The following EXOC4 variants were observed in gnomAD, a reference collection of about 807,000 sequenced individuals.
The protein encoded by EXOC4 is exocyst complex component 4.
In EXOC4, 71 loss-of-function variants were observed where a neutral mutation model predicts 107.2. That is an observed-to-expected ratio of 0.66 (90% CI 0.55 to 0.81). The LOEUF (loss-of-function observed/expected upper bound fraction) is 0.81, where lower values mean the gene tolerates loss of function less well. EXOC4 is among the 30% of genes least tolerant of loss of function. EXOC4 has a pLI of 0.00. For missense variants in EXOC4, 1,108 were observed against 1,189.6 expected, an observed-to-expected ratio of 0.93 and a Z score of 1.01; for synonymous variants, 456 against 441.2, an observed-to-expected ratio of 1.03 and a Z score of -0.42.
At chr7:133,387,212 G>A (rs369701682) in intron 7 of EXOC4, among the ~76,000 whole-genome samples, 8 of 152,144 alleles carry the variant, frequency 5.3e-5, no homozygotes, top group African/African-American at 1.9e-4. Context: ...ATCCATTAAA[G>A]TCTTAAGGGG....
chr7:133,548,578 G>A (rs937959493), intron 9 of EXOC4, among the ~76,000 whole-genome samples: 2 of 152,202 alleles, frequency 1.3e-5, no homozygotes, highest in Non-Finnish European at 2.9e-5. Flanking sequence ...ATAACTTGCT[G>A]TAGCTTCTAC....
At chr7:133,601,344 T>C (rs552643633) in intron 9 of EXOC4, among the ~76,000 whole-genome samples, 1 of 152,284 alleles carries the variant, frequency 6.6e-6, no homozygotes, top group African/African-American at 2.4e-5. Context: ...TGTATGTATG[T>C]ATGTATGTGT....
intron 9 of EXOC4, among the ~76,000 whole-genome samples, chr7:133,620,006 G>T (rs143461625): frequency 7.3e-4 from 91 of 124,666 alleles, no homozygotes; most frequent in African/African-American, 1.8e-3. Context: ...GTGTGTGTGT[G>T]TGTTTGTTTT....
chr7:133,554,701 C>G (rs1225640135), intron 9 of EXOC4, among the ~76,000 whole-genome samples: 1 of 152,126 alleles, frequency 6.6e-6, no homozygotes, highest in African/African-American at 2.4e-5. Context: ...CCATGGAGCC[C>G]CACCTGACCT....
At chr7:133,627,862 G>T (rs1420266711) in intron 9 of EXOC4, among the ~76,000 whole-genome samples, 2 of 152,144 alleles carry the variant, frequency 1.3e-5, no homozygotes, top group Non-Finnish European at 2.9e-5. Flanking sequence ...GAAAACGTAT[G>T]CTCTGATTAG....
At chr7:133,408,848 G>A (rs934596546) in intron 7 of EXOC4, among the ~76,000 whole-genome samples, 3 of 152,102 alleles carry the variant, frequency 2.0e-5, no homozygotes, top group African/African-American at 7.2e-5. Flanking sequence ...CTGGTACTGT[G>A]GGACTAGTAT....
intron 10 of EXOC4, among the ~76,000 whole-genome samples, chr7:133,806,338 T>C (rs774977240): frequency 2.0e-5 from 3 of 152,156 alleles, no homozygotes; most frequent in Non-Finnish European, 4.4e-5. Context: ...ATTGAAATGA[T>C]AATGGGAGTG....
At chr7:133,340,062 G>A (rs1167766262) in intron 5 of EXOC4, among the ~76,000 whole-genome samples, 1 of 152,168 alleles carries the variant, frequency 6.6e-6, no homozygotes, top group Non-Finnish European at 1.5e-5. Context: ...CAGAAGACGT[G>A]AAACTGGATA....
chr7:133,553,396 T>G (rs1311373839), intron 9 of EXOC4, among the ~76,000 whole-genome samples: 1 of 152,184 alleles, frequency 6.6e-6, no homozygotes, highest in Non-Finnish European at 1.5e-5. Context: ...TATGTTACTT[T>G]CCTTTTCAAG....
chr7:133,576,402 C>T (rs956240663), intron 9 of EXOC4: 26 of 1,037,254 alleles, frequency 2.5e-5, no homozygotes, highest in Non-Finnish European at 2.7e-5. Context: ...CTGTTGTCTC[C>T]GTCACAGTCA....
chr7:134,077,912 A>C, the EXOC4 span, among the ~76,000 whole-genome samples: 4 of 152,154 alleles, frequency 2.6e-5, no homozygotes, highest in African/African-American at 9.7e-5. Context: ...GAATCTATAA[A>C]CTCATTCCAT....
At chr7:133,403,687 T>G (rs1056710642) in intron 7 of EXOC4, among the ~76,000 whole-genome samples, 1 of 152,148 alleles carries the variant, frequency 6.6e-6, no homozygotes, top group African/African-American at 2.4e-5. Context: ...CCCAGCACTT[T>G]GGGAGGCCAA....
chr7:133,501,017 A>G (rs568611366), intron 9 of EXOC4, among the ~76,000 whole-genome samples: 2 of 152,190 alleles, frequency 1.3e-5, no homozygotes, highest in Non-Finnish European at 2.9e-5. Flanking sequence ...GAGAAAATAC[A>G]TGTAACTATT....
At chr7:133,519,295 G>T (rs1799938538) in intron 9 of EXOC4, among the ~76,000 whole-genome samples, 1 of 151,866 alleles carries the variant, frequency 6.6e-6, no homozygotes, top group Admixed American at 6.6e-5. Flanking sequence ...TACACCTGAA[G>T]TTCCTACTCA....
chr7:133,272,283 AC>A (rs1793890469), intron 1 of EXOC4, among the ~76,000 whole-genome samples: 1 of 151,938 alleles, frequency 6.6e-6, no homozygotes, highest in Non-Finnish European at 1.5e-5. Flanking sequence ...AAGAGACCCC[AC>A]TCTGTAGCTG....
At chr7:133,561,138 T>C (rs1800796899) in intron 9 of EXOC4, among the ~76,000 whole-genome samples, 1 of 152,110 alleles carries the variant, frequency 6.6e-6, no homozygotes, top group Non-Finnish European at 1.5e-5. Context: ...CGAAAGCTGT[T>C]TTAGGGTACC....
chr7:133,678,786 G>C (rs1177908620), intron 10 of EXOC4, among the ~76,000 whole-genome samples: 1 of 151,460 alleles, frequency 6.6e-6, no homozygotes, highest in Non-Finnish European at 1.5e-5. Flanking sequence ...AGTGTTTTTT[G>C]TTTTGTTTCT....
chr7:133,695,740 C>T (rs1335687269), intron 10 of EXOC4, among the ~76,000 whole-genome samples: 1 of 152,064 alleles, frequency 6.6e-6, no homozygotes, highest in Non-Finnish European at 1.5e-5. Flanking sequence ...TTTTCTAGTC[C>T]ATTATCATTG....
intron 14 of EXOC4, among the ~76,000 whole-genome samples, chr7:133,972,237 C>G (rs778204626): frequency 3.9e-5 from 6 of 152,186 alleles, no homozygotes; most frequent in Non-Finnish European, 8.8e-5. Context: ...ATTAAACTAA[C>G]AAGAAATTTT....
Sources: allele counts gnomAD v4.1 joint callset (sites outside exome capture counted in the v4.1 genomes callset), GRCh38; gene constraint gnomAD v4.1.1; transcripts MANE v1.5; gene names NCBI Gene and HGNC (gene_info 2026-07-23, HGNC 2026-07-21).